Variants in BAALC observed in about 807,000 individuals in gnomAD.
BAALC encodes the protein BAALC binder of MAP3K1 and KLF4.
BAALC carries 9 observed loss-of-function variants against 15.5 expected under a neutral mutation model. The ratio of observed to expected loss-of-function variants is 0.58; its 90% CI spans 0.35 to 1.02. The LOEUF (loss-of-function observed/expected upper bound fraction) is 1.02, where lower values mean the gene tolerates loss of function less well. Ranked by LOEUF, BAALC falls within the 50% of genes least tolerant of loss-of-function variation. The pLI is 0.02. For synonymous variants in BAALC, 80 were observed against 74.6 expected, an observed-to-expected ratio of 1.07 and a Z score of -0.37; for missense variants, 201 against 192.4, an observed-to-expected ratio of 1.04 and a Z score of -0.27.
intron 1 of BAALC, among the ~76,000 whole-genome samples, chr8:103,184,195 A>C (rs1811786524): frequency 6.6e-6 from 1 of 152,226 alleles, no homozygotes; most frequent in African/African-American, 2.4e-5. Flanking sequence ...TTTGGTGATT[A>C]CATTGGGCCC....
At chr8:103,177,812 A>G (rs926276948) in intron 1 of BAALC, among the ~76,000 whole-genome samples, 1 of 152,224 alleles carries the variant, frequency 6.6e-6, no homozygotes, top group African/African-American at 2.4e-5. Flanking sequence ...ATAAAATAAT[A>G]TACCGTAAAA....
At chr8:103,173,998 C>T (rs746369834) in intron 1 of BAALC, among the ~76,000 whole-genome samples, 6 of 152,158 alleles carry the variant, frequency 3.9e-5, no homozygotes, top group Non-Finnish European at 8.8e-5. Flanking sequence ...GGAAAGGACA[C>T]CCATTCTCAC....
At chr8:103,222,879 T>A (rs1812710473) in intron 2 of BAALC, among the ~76,000 whole-genome samples, 1 of 152,236 alleles carries the variant, frequency 6.6e-6, no homozygotes, top group Non-Finnish European at 1.5e-5. Flanking sequence ...TGAGGCTTTA[T>A]ATTTTAATTT....
At chr8:103,217,381 C>T (rs1414760540) in intron 2 of BAALC, among the ~76,000 whole-genome samples, 3 of 152,212 alleles carry the variant, frequency 2.0e-5, no homozygotes, top group Non-Finnish European at 4.4e-5. Context: ...CTCATACCAA[C>T]ACTCAGGCAG....
At chr8:103,165,095 T>C (rs1811315283) in intron 1 of BAALC, among the ~76,000 whole-genome samples, 3 of 152,228 alleles carry the variant, frequency 2.0e-5, no homozygotes, top group Admixed American at 2.0e-4. Flanking sequence ...GTTGCATAGC[T>C]GCATAATTGT....
intron 1 of BAALC, among the ~76,000 whole-genome samples, chr8:103,154,934 ATATAT>A (rs763479401): frequency 0.11 from 16,319 of 150,182 alleles, 1,334 homozygotes; most frequent in East Asian, 0.42. Flanking sequence ...ATATATATAT[ATATAT>A]AATATATATG....
intron 1 of BAALC, among the ~76,000 whole-genome samples, chr8:103,163,317 T>G (rs1811271307): frequency 6.6e-6 from 1 of 152,164 alleles, no homozygotes; most frequent in South Asian, 2.1e-4. Flanking sequence ...AAGACTCACC[T>G]GCTGCTGACG....
chr8:103,180,764 T>C (rs932287682), intron 1 of BAALC, among the ~76,000 whole-genome samples: 1 of 151,940 alleles, frequency 6.6e-6, no homozygotes, highest in Non-Finnish European at 1.5e-5. Flanking sequence ...GAGAACAAGT[T>C]GAGATGTAAA....
intron 2 of BAALC, among the ~76,000 whole-genome samples, chr8:103,218,055 A>G (rs1812599016): frequency 6.6e-6 from 1 of 152,228 alleles, no homozygotes; most frequent in African/African-American, 2.4e-5. Context: ...TTTAATGCAG[A>G]TGCCACCTCA....
intron 1 of BAALC, chr8:103,156,857 A>T (rs1470796386): frequency 6.6e-6 from 1 of 152,248 alleles, no homozygotes; most frequent in East Asian, 1.9e-4. Flanking sequence ...TCCAGCCATT[A>T]TGTAAGCTTT....
intron 1 of BAALC, among the ~76,000 whole-genome samples, chr8:103,188,827 A>G (rs553680615): frequency 3.3e-5 from 5 of 152,326 alleles, no homozygotes; most frequent in South Asian, 2.1e-4. Flanking sequence ...ATCTTTATTC[A>G]TGTTATAGAT....
chr8:103,172,941 A>C (rs1225546091), intron 1 of BAALC, among the ~76,000 whole-genome samples: 1 of 152,244 alleles, frequency 6.6e-6, no homozygotes, highest in African/African-American at 2.4e-5. Context: ...AGAGAGGTGC[A>C]AACCAGGCCA....
At chr8:103,149,386 C>A (rs1810937943) in intron 1 of BAALC, among the ~76,000 whole-genome samples, 1 of 152,182 alleles carries the variant, frequency 6.6e-6, no homozygotes, top group South Asian at 2.1e-4. Context: ...ACCTGACAGG[C>A]CCATTAAACA....
intron 1 of BAALC, among the ~76,000 whole-genome samples, chr8:103,149,167 C>T (rs1031739870): frequency 0.054 from 10 of 184 alleles, no homozygotes; most frequent in Admixed American, 0.14. Context: ...GAATGTAGTA[C>T]CCTCCCCCCA....
Position 103,218,058 on chromosome 8 carries a change from C to T in BAALC, c.327+4973C>T, listed in dbSNP as rs191959689. Among the ~76,000 whole-genome samples the T allele has an allele frequency of 2.6e-5, 4 of 152,318 alleles. No individual in the cohort carries two copies. In the East Asian group the frequency reaches 7.7e-4, roughly 29 times the overall value. On this transcript the variant is annotated intron_variant, in intron 2 of 2. Coordinates refer to ENST00000309982, the MANE Select transcript of BAALC (RefSeq NM_024812.3). The stretch of plus-strand genomic sequence containing the variant: ...GCAGCTACTCTATTTAATGCAGATG[C>T]CACCTCACGTTTAAACTGCTTTCCA...
chr8:103,177,210 A>C (rs1333565097), intron 1 of BAALC, among the ~76,000 whole-genome samples: 1 of 143,012 alleles, frequency 7.0e-6, no homozygotes, highest in Non-Finnish European at 1.5e-5. Context: ...TTTTTTTGAG[A>C]CAAGATCTCA....
chr8:103,193,622 G>T (rs935149657), intron 1 of BAALC, among the ~76,000 whole-genome samples: 4 of 152,208 alleles, frequency 2.6e-5, no homozygotes, highest in Non-Finnish European at 4.4e-5. Context: ...TCTGGGTTTT[G>T]AGTCCTGGAT....
chr8:103,191,579 G>A (rs1811969435), intron 1 of BAALC: 1 of 152,056 alleles, frequency 6.6e-6, no homozygotes, highest in South Asian at 2.1e-4. Flanking sequence ...AAATGCCCCG[G>A]TTCTAGCGTG....
At chr8:103,153,543 T>G (rs1811025145) in intron 1 of BAALC, among the ~76,000 whole-genome samples, 1 of 152,264 alleles carries the variant, frequency 6.6e-6, no homozygotes, top group African/African-American at 2.4e-5. Flanking sequence ...AACTTCAGAC[T>G]GTGCTGTGTA....
Sources: allele counts gnomAD v4.1 joint callset (sites outside exome capture counted in the v4.1 genomes callset), GRCh38; gene constraint gnomAD v4.1.1; transcripts MANE v1.5; gene names NCBI Gene and HGNC (gene_info 2026-07-23, HGNC 2026-07-21).